BLTP1: variants seen among roughly 807,000 people sequenced by gnomAD.
The protein encoded by BLTP1 is bridge-like lipid transfer protein family member 1.
At chr4:122,354,829 G>A in the BLTP1 span, among the ~76,000 whole-genome samples, 1 of 151,898 alleles carries the variant, frequency 6.6e-6, no homozygotes, top group Admixed American at 6.6e-5. Context: ...ACCACGCCCG[G>A]CTAATTTTTG....
the BLTP1 span, among the ~76,000 whole-genome samples, chr4:122,191,949 T>C: frequency 1.8e-4 from 28 of 152,272 alleles, no homozygotes; most frequent in Non-Finnish European, 2.2e-4. Context: ...AAAATTTCAT[T>C]TAATTTTATA....
the BLTP1 span, chr4:122,274,436 A>T: frequency 6.3e-7 from 1 of 1,596,176 alleles, no homozygotes; most frequent in Non-Finnish European, 8.5e-7. Context: ...CCAAATATAC[A>T]GTAAGTATGT....
At chr4:122,169,654 A>G in the BLTP1 span, 2 of 960,470 alleles carry the variant, frequency 2.1e-6, no homozygotes, top group African/African-American at 1.8e-5. Flanking sequence ...TATTCATCCT[A>G]CTGTGTGTGC....
chr4:122,323,222 C>A, the BLTP1 span, among the ~76,000 whole-genome samples: 2 of 152,010 alleles, frequency 1.3e-5, no homozygotes, highest in Non-Finnish European at 2.9e-5. Context: ...TCTCTTTCTC[C>A]AATGTGAGGG....
chr4:122,286,798 T>C, the BLTP1 span: 1 of 1,601,048 alleles, frequency 6.2e-7, no homozygotes, highest in South Asian at 1.1e-5. Flanking sequence ...AAGTTTACTT[T>C]AAAATTTTCT....
chr4:122,185,710 G>T, the BLTP1 span, among the ~76,000 whole-genome samples: 3 of 151,972 alleles, frequency 2.0e-5, no homozygotes, highest in African/African-American at 7.2e-5. Flanking sequence ...TAAAAATATG[G>T]ATATATTAGG....
the BLTP1 span, among the ~76,000 whole-genome samples, chr4:122,330,269 G>T: frequency 1.3e-5 from 2 of 151,746 alleles, no homozygotes; most frequent in Non-Finnish European, 1.5e-5. Flanking sequence ...GGATCATGTT[G>T]TAGTTCTACT....
chr4:122,299,201 G>A, the BLTP1 span: 2 of 953,774 alleles, frequency 2.1e-6, no homozygotes, highest in African/African-American at 1.8e-5. Context: ...ATCAGAAAGA[G>A]TTTGAATAAA....
chr4:122,166,222 C>CT, the BLTP1 span, among the ~76,000 whole-genome samples: 2 of 152,202 alleles, frequency 1.3e-5, 1 homozygote, highest in South Asian at 4.1e-4. Flanking sequence ...ACGTTTAAGT[C>CT]TTTAATCCAT....
At chr4:122,343,329 A>G in the BLTP1 span, 1 of 1,553,146 alleles carries the variant, frequency 6.4e-7, no homozygotes, top group Non-Finnish European at 8.7e-7. Flanking sequence ...TTCTGAAGTC[A>G]TGTCTGGTTC....
chr4:122,170,462 T>A, the BLTP1 span: 119 of 1,294,768 alleles, frequency 9.2e-5, no homozygotes, highest in Non-Finnish European at 1.1e-4. Context: ...AATGTGGGCA[T>A]TTTTGTTGTA....
chr4:122,177,275 A>G, the BLTP1 span, among the ~76,000 whole-genome samples: 3 of 152,142 alleles, frequency 2.0e-5, no homozygotes, highest in Non-Finnish European at 4.4e-5. Context: ...AAATCTTGTC[A>G]GCTTTCCTTT....
chr4:122,189,766 A>C, the BLTP1 span: 1 of 885,076 alleles, frequency 1.1e-6, no homozygotes, highest in East Asian at 1.2e-4. Context: ...TTTACTGATA[A>C]ATTTTTAGTA....
At chr4:122,154,729 G>A in the BLTP1 span, among the ~76,000 whole-genome samples, 87 of 152,104 alleles carry the variant, frequency 5.7e-4, 1 homozygote, top group African/African-American at 1.8e-3. Flanking sequence ...AAAATTTAGC[G>A]GACGTGGTGG....
At chr4:122,276,405 A>G in the BLTP1 span, 2 of 953,174 alleles carry the variant, frequency 2.1e-6, no homozygotes, top group South Asian at 4.8e-5. Flanking sequence ...TTATTAAAAC[A>G]CTAACAAAAC....
chr4:122,270,701 C>T, the BLTP1 span, among the ~76,000 whole-genome samples: 2 of 151,998 alleles, frequency 1.3e-5, no homozygotes, highest in African/African-American at 4.8e-5. Flanking sequence ...CTCTAAATTC[C>T]AATACTCTAC....
At chr4:122,318,852 G>A in the BLTP1 span, among the ~76,000 whole-genome samples, 2 of 152,194 alleles carry the variant, frequency 1.3e-5, no homozygotes, top group East Asian at 1.9e-4. Flanking sequence ...CGATTCACAA[G>A]TGTACCCACC....
At chr4:122,297,771 G>A in the BLTP1 span, among the ~76,000 whole-genome samples, 1 of 152,210 alleles carries the variant, frequency 6.6e-6, no homozygotes, top group Non-Finnish European at 1.5e-5. Flanking sequence ...TATTGATGGA[G>A]CTGGAAGCCG....
chr4:122,297,407 G>C, the BLTP1 span, among the ~76,000 whole-genome samples: 6 of 152,282 alleles, frequency 3.9e-5, no homozygotes, highest in African/African-American at 1.4e-4. Context: ...AGAAACAACA[G>C]ATGCTGGCGA....
Sources: gnomAD v4.1 joint callset for allele counts (sites outside exome capture counted in the v4.1 genomes callset) on GRCh38, gnomAD v4.1.1 for gene constraint, MANE v1.5 for transcripts, NCBI Gene and HGNC (gene_info 2026-07-23, HGNC 2026-07-21) for gene names.